Variants in NBL1 observed in about 807,000 individuals in gnomAD.
The protein encoded by NBL1 is NBL1, DAN family BMP antagonist.
A neutral mutation model predicts 16.0 loss-of-function variants in NBL1; 9 were observed. That is an observed-to-expected ratio of 0.56 (90% CI 0.34 to 0.98). The LOEUF is 0.98. Ranked by LOEUF, NBL1 falls within the 50% of genes least tolerant of loss-of-function variation. NBL1 has a pLI of 0.02. For missense variants in NBL1, 196 were observed against 243.1 expected (o/e 0.81, Z 1.29); for synonymous variants, 86 against 100.7 (o/e 0.85, Z 0.87).
At position 19,655,447 on chromosome 1, in the gene NBL1, C is replaced by T. The variant is rs963620516; in HGVS notation, c.282+12C>T. The stretch of plus-strand genomic sequence containing the variant: ...CCATGTGGGAGATTGTGAGTACTGC[C>T]TGCCTGCCCCACCCAGTCTCGGCCC... On this transcript the variant is annotated intron_variant, in intron 3 of 3. Coordinates refer to ENST00000375136, the MANE Select transcript of NBL1 (RefSeq NM_005380.8). 2.0e-5 allele frequency: 32 copies of T among 1,613,640 alleles called. No individual in the cohort carries two copies. Among genetic ancestry groups the T allele is most frequent in the Non-Finnish European group, 2.7e-5 (32 of 1,179,864 alleles).
chr1:19,652,321 A>T (rs2095030864), intron 1 of NBL1, among the ~76,000 whole-genome samples: 1 of 152,220 alleles, frequency 6.6e-6, no homozygotes, highest in Admixed American at 6.5e-5. Flanking sequence ...TTGTTGAAAA[A>T]TTCACTGGGT....
In NBL1 at chr1:19,644,470, G is replaced by A; in HGVS notation, c.-20+24G>A. On this transcript the variant is annotated intron_variant, in intron 1 of 3. Coordinates refer to ENST00000375136, the MANE Select transcript of NBL1 (RefSeq NM_005380.8). This position sits in a 1 kb window ranked among gnomAD's most constrained non-coding sequence, Gnocchi z 4.6. Reference sequence around the variant, plus strand: ...CGGTAAGTCCCGCCCGGGTCGGCACGCGGGCGCCCGGCTTCCAGAGGCTTC... The same window carrying A: ...CGGTAAGTCCCGCCCGGGTCGGCACACGGGCGCCCGGCTTCCAGAGGCTTC... The A allele has an allele frequency of 1.0e-6, 1 of 977,188 alleles. No homozygotes were observed. Among genetic ancestry groups the A allele is most frequent in the Non-Finnish European group, 1.2e-6 (1 of 825,840 alleles). The allele number at this position is 977,188 out of a possible 1,614,324, so 60.5% of individuals were successfully genotyped here. A position where few individuals can be genotyped will look rare whatever the true frequency, so the allele number is the denominator to read the frequency against.
chr1:19,655,065 C>T lies in NBL1; in HGVS notation c.35C>T (p.Pro12Leu). 1 of 1,612,658 alleles carries T rather than the reference C, an allele frequency of 6.2e-7. No individual in the cohort carries two copies. Among genetic ancestry groups the T allele is most frequent in the Non-Finnish European group, 8.5e-7 (1 of 1,179,870 alleles). Residue 12 changes from proline to leucine, a missense_variant, in exon 2 of 4, where the codon CCT becomes CTT. Transcript: ENST00000375136. The stretch of plus-strand genomic sequence containing the variant: ...CGGGTCCTGGTGGGGGCTGTCCTCC[C>T]TGCCATGCTACTGGCTGCCCCACCA... ...MLRVLVGAVLPAMLLAAPPPI... is the reference protein window; with the variant it reads ...MLRVLVGAVLLAMLLAAPPPI...
At chr1:19,649,779 A>G (rs2095011818) in intron 1 of NBL1, among the ~76,000 whole-genome samples, 1 of 152,050 alleles carries the variant, frequency 6.6e-6, no homozygotes, top group South Asian at 2.1e-4. Context: ...CTCTCACCTC[A>G]GCCTCCCAAG....
At chr1:19,653,467 G>A (rs991780540) in intron 1 of NBL1, among the ~76,000 whole-genome samples, 1 of 152,106 alleles carries the variant, frequency 6.6e-6, no homozygotes, top group Admixed American at 6.5e-5. Context: ...GCCCCTCTAG[G>A]GACTGTCCCA....
At chr1:19,645,184 C>G (rs1186362551) in intron 1 of NBL1, among the ~76,000 whole-genome samples, 1 of 152,166 alleles carries the variant, frequency 6.6e-6, no homozygotes, top group Non-Finnish European at 1.5e-5. Context: ...CAAACCCTCC[C>G]CCTGCCTCCC....
In NBL1 at chr1:19,644,985, C is replaced by A. The variant is rs1002409469; in HGVS notation, c.-20+539C>A. ...CCCCGCCTGCCTCCGTGTTCGGCTGCCCGCGTTTGTGTCTCTGCCTCTGGC... is the reference window on the plus strand; with the variant it reads ...CCCCGCCTGCCTCCGTGTTCGGCTGACCGCGTTTGTGTCTCTGCCTCTGGC... On this transcript the variant is annotated intron_variant, in intron 1 of 3. Coordinates refer to ENST00000375136, the MANE Select transcript of NBL1 (RefSeq NM_005380.8). This position sits in a 1 kb window ranked among gnomAD's most constrained non-coding sequence, Gnocchi z 4.6. Among the ~76,000 whole-genome samples the A allele has an allele frequency of 1.3e-5, 2 of 151,910 alleles. No individual in the cohort carries two copies. Among genetic ancestry groups the A allele is most frequent in the Non-Finnish European group, 2.9e-5 (2 of 68,028 alleles).
In NBL1 at chr1:19,657,283, C is replaced by A. The variant is rs2100453876; in HGVS notation, c.*154C>A. 5.6e-6 allele frequency: 3 copies of A among 539,744 alleles called. No individual in the cohort carries two copies. The highest frequency in any genetic ancestry group is 6.6e-6 in the Non-Finnish European group (2 of 302,036). 33.4% of individuals were successfully genotyped at this position (539,744 alleles called of 1,614,324 possible). On this transcript the variant is annotated 3_prime_UTR_variant, in exon 4 of 4. Coordinates refer to ENST00000375136, the MANE Select transcript of NBL1 (RefSeq NM_005380.8). ...AATGCTGCCCGGTTGCCATGGAGAT[C>A]TGAAGGGGCGGGGTTAGAGCCAAGC... is the stretch of plus-strand genomic sequence containing the variant.
At position 19,657,158 on chromosome 1, in the gene NBL1, TC is replaced by T; in HGVS notation, c.*34del. ...CCCCCCAACTCTTCCTCCCCTCTCATCCCCCTGTGGAATGTTGGGTCTCACT... is the reference window on the plus strand; with the variant it reads ...CCCCCCAACTCTTCCTCCCCTCTCATCCCCTGTGGAATGTTGGGTCTCACT... On this transcript the variant is annotated 3_prime_UTR_variant, in exon 4 of 4. Transcript: ENST00000375136. The T allele has an allele frequency of 9.5e-7, 1 of 1,049,046 alleles. No individual in the cohort carries two copies. Among genetic ancestry groups the T allele is most frequent in the Non-Finnish European group, 1.4e-6 (1 of 732,368 alleles). 65.0% of individuals were successfully genotyped at this position (1,049,046 alleles called of 1,614,324 possible).
rs1260720329 is a variant in NBL1, at chr1:19,657,135, C to T, written c.*6C>T. On this transcript the variant is annotated 3_prime_UTR_variant, in exon 4 of 4. Transcript: ENST00000375136. ...AAGAGGGGGCTGAGGACTGAGGCCC[C>T]CCCAACTCTTCCTCCCCTCTCATCC... The T allele has an allele frequency of 2.3e-6, 3 of 1,328,840 alleles. No individual in the cohort carries two copies. The highest frequency in any genetic ancestry group is 2.9e-5 in the African/African-American group (2 of 67,980). The allele number at this position is 1,328,840 out of a possible 1,614,324, so 82.3% of individuals were successfully genotyped here.
chr1:19,649,002 G>T lies in NBL1; in HGVS notation c.-20+4556G>T, dbSNP rs567423778. Among the ~76,000 whole-genome samples, 65 of 152,280 alleles carry T rather than the reference G, an allele frequency of 4.3e-4. 1 individual carries two copies. The highest frequency in any genetic ancestry group is 1.4e-3 in the African/African-American group (58 of 41,544). On this transcript the variant is annotated intron_variant, in intron 1 of 3. Coordinates refer to ENST00000375136, the MANE Select transcript of NBL1 (RefSeq NM_005380.8). ...GTCCAGGCAGTGGCTGAACGCTAGG[G>T]TGTTAACAGGAATGAGAGGCGCAGT...
chr1:19,651,868 A>T (rs1345916535), intron 1 of NBL1, among the ~76,000 whole-genome samples: 1 of 152,144 alleles, frequency 6.6e-6, no homozygotes, highest in Non-Finnish European at 1.5e-5. Context: ...GTGATAATAA[A>T]AAATGTGTTA....
chr1:19,647,719 C>T, intron 1 of NBL1: 1 of 971,956 alleles, frequency 1.0e-6, no homozygotes, highest in African/African-American at 1.8e-5. Flanking sequence ...GGGAGGTTCC[C>T]CGAGGAGGTT....
intron 1 of NBL1, among the ~76,000 whole-genome samples, chr1:19,650,626 C>T (rs970977150): frequency 6.6e-6 from 1 of 152,154 alleles, no homozygotes; most frequent in Admixed American, 6.5e-5. Flanking sequence ...TCCTTCCCGC[C>T]CTCGCTTTTG....
In NBL1 at chr1:19,655,029, G is replaced by A. The variant is rs980688849; in HGVS notation, c.-2G>A. On this transcript the variant is annotated 5_prime_UTR_variant, in exon 2 of 4. Transcript: ENST00000375136. ...CGTTCTAGGGCTCTGGAGGCCACGG[G>A]CATGATGCTTCGGGTCCTGGTGGGG... 1.2e-5 allele frequency: 19 copies of A among 1,605,726 alleles called. No homozygotes were observed. The highest frequency in any genetic ancestry group is 1.6e-5 in the Non-Finnish European group (19 of 1,177,310).
chr1:19,655,022 G>C lies in NBL1; in HGVS notation c.-9G>C. ...TGTGCTCCGTTCTAGGGCTCTGGAGGCCACGGGCATGATGCTTCGGGTCCT... is the reference window on the plus strand; with the variant it reads ...TGTGCTCCGTTCTAGGGCTCTGGAGCCCACGGGCATGATGCTTCGGGTCCT... On this transcript the variant is annotated 5_prime_UTR_variant, in exon 2 of 4. Coordinates refer to ENST00000375136, the MANE Select transcript of NBL1 (RefSeq NM_005380.8). 6.2e-7 allele frequency: 1 copy of C among 1,601,192 alleles called. No individual in the cohort carries two copies. Among genetic ancestry groups the C allele is most frequent in the Non-Finnish European group, 8.5e-7 (1 of 1,174,976 alleles).
upstream of NBL1, chr1:19,643,795 G>A (rs1377454472): frequency 4.0e-6 from 4 of 1,010,776 alleles, no homozygotes; most frequent in African/African-American, 6.9e-5. This position sits in a 1 kb window ranked among gnomAD's most constrained non-coding sequence, Gnocchi z 4.7. Flanking sequence ...CGGAGCGGAC[G>A]GGATGAGGTG....
At position 19,644,829 on chromosome 1, in the gene NBL1, G is replaced by C. The variant is rs1184630359; in HGVS notation, c.-20+383G>C. The stretch of plus-strand genomic sequence containing the variant: ...GGCCGTGCCCGGGCCTCGCCGCGCC[G>C]CGCCTCTCGGCTCTGGACGTTTCCG... On this transcript the variant is annotated intron_variant, in intron 1 of 3. Coordinates refer to ENST00000375136, the MANE Select transcript of NBL1 (RefSeq NM_005380.8). This position sits in a 1 kb window ranked among gnomAD's most constrained non-coding sequence, Gnocchi z 4.6. 1.3e-5 allele frequency among the ~76,000 whole-genome samples: 2 copies of C among 152,072 alleles called. No homozygotes were observed. Among genetic ancestry groups the C allele is most frequent in the Non-Finnish European group, 2.9e-5 (2 of 67,978 alleles).
chr1:19,647,506 G>A, intron 1 of NBL1: 1 of 497,458 alleles, frequency 2.0e-6, no homozygotes, highest in Non-Finnish European at 2.6e-6. Flanking sequence ...TAATTGTGGA[G>A]AATGGAGGAG....
Sources: allele counts gnomAD v4.1 joint callset (sites outside exome capture counted in the v4.1 genomes callset), GRCh38; gene constraint gnomAD v4.1.1; non-coding constraint Gnocchi (gnomAD v3.1); transcripts MANE v1.5; gene names NCBI Gene and HGNC (gene_info 2026-07-23, HGNC 2026-07-21).